The following SIK2 variants were observed in gnomAD, a reference collection of about 807,000 sequenced individuals.
SIK2 encodes the protein salt inducible kinase 2, also known as serine/threonine-protein kinase SIK2.
Under a neutral mutation model 103.2 loss-of-function variants are expected in SIK2, and 29 were observed. That is an observed-to-expected ratio of 0.28 (90% CI 0.21 to 0.38). The LOEUF is 0.38. Among genes scored for constraint, SIK2 ranks in the 10% least tolerant of loss-of-function variants. SIK2 has a pLI of 1.00. For missense variants in SIK2, 879 were observed against 1,171.0 expected (o/e 0.75, Z 3.64); for synonymous variants, 412 against 446.1 (o/e 0.92, Z 0.96).
intron 3 of SIK2, among the ~76,000 whole-genome samples, chr11:111,654,456 G>A (rs182636884): frequency 7.9e-5 from 12 of 152,168 alleles, no homozygotes; most frequent in Admixed American, 4.6e-4. Context: ...AGATCATTTG[G>A]CCAAAAGAGA....
intron 3 of SIK2, among the ~76,000 whole-genome samples, chr11:111,643,529 G>A (rs963096123): frequency 1.3e-5 from 2 of 152,086 alleles, no homozygotes; most frequent in Admixed American, 6.5e-5. Flanking sequence ...CAAATGTATA[G>A]GCTGGGCACG....
intron 9 of SIK2, among the ~76,000 whole-genome samples, chr11:111,713,305 T>G (rs1943551886): frequency 6.6e-6 from 1 of 152,372 alleles, no homozygotes; most frequent in East Asian, 1.9e-4. Context: ...GCATAAGCGA[T>G]GTATAGAAGA....
At position 111,727,120 on chromosome 11, in the gene SIK2, A is replaced by T. The variant is rs917207779; in HGVS notation, c.*2991A>T. The T allele has an allele frequency of 7.0e-7, 1 of 1,438,352 alleles. No homozygotes were observed. Among genetic ancestry groups the T allele is most frequent in the Non-Finnish European group, 9.8e-7 (1 of 1,024,168 alleles). The allele number at this position is 1,438,352 out of a possible 1,614,324, so 89.1% of individuals were successfully genotyped here. ...GGGGCCCACTTTCACATTCCCGGTG[A>T]CACTGACCGTCCCCAGCTGCCCCCT... On this transcript the variant is annotated 3_prime_UTR_variant, in exon 15 of 15. Coordinates refer to ENST00000304987, the MANE Select transcript of SIK2 (RefSeq NM_015191.3).
chr11:111,720,783 T>C, intron 11 of SIK2, 21 bp downstream of exon 11: 1 of 1,573,454 alleles, frequency 6.4e-7, no homozygotes, highest in South Asian at 1.2e-5. Flanking sequence ...CCTCCTCTGC[T>C]TTTTGAAACT....
Position 111,726,971 on chromosome 11 carries a change from T to G in SIK2, c.*2842T>G. On this transcript the variant is annotated 3_prime_UTR_variant, in exon 15 of 15. Coordinates refer to ENST00000304987, the MANE Select transcript of SIK2 (RefSeq NM_015191.3). ...TTTTTTTAAATCTGGGGTATTAGTC[T>G]GTGCTTTGGGAGAAATGCACTAGCT... 9.3e-6 allele frequency: 15 copies of G among 1,613,716 alleles called. No individual in the cohort carries two copies. Among genetic ancestry groups the G allele is most frequent in the South Asian group, 2.2e-5 (2 of 91,084 alleles).
At chr11:111,662,609 G>T (rs1942481488) in intron 3 of SIK2, among the ~76,000 whole-genome samples, 1 of 152,162 alleles carries the variant, frequency 6.6e-6, no homozygotes, top group Admixed American at 6.5e-5. Context: ...CAGCACAGTG[G>T]CTCACGCCTG....
intron 3 of SIK2, among the ~76,000 whole-genome samples, chr11:111,630,571 G>A (rs1942024446): frequency 1.3e-5 from 2 of 152,138 alleles, no homozygotes; most frequent in South Asian, 4.1e-4. Flanking sequence ...CAATGAAGCT[G>A]TAATAATGAG....
chr11:111,602,613 TG>T lies in SIK2; in HGVS notation c.54del (p.Phe19SerfsTer16). On this transcript the variant is annotated frameshift_variant, in exon 1 of 15. Transcript: ENST00000304987. LOFTEE classifies it high-confidence loss of function. This position sits in a 1 kb window ranked among gnomAD's most constrained non-coding sequence, Gnocchi z 4.5. ...CACTTGCAGCGCGGGCCGGTCCGGG[TG>T]GGGTTCTACGACATCGAGGGCACGC... ...PRHLQRGPVR[V>X]GFYDIEGTLG... 1 of 1,521,808 alleles carries T rather than the reference TG, an allele frequency of 6.6e-7. No individual in the cohort carries two copies. The highest frequency in any genetic ancestry group is 8.8e-7 in the Non-Finnish European group (1 of 1,133,754). 94.3% of individuals were successfully genotyped at this position (1,521,808 alleles called of 1,614,324 possible).
intron 3 of SIK2, among the ~76,000 whole-genome samples, chr11:111,678,167 T>C (rs1055646978): frequency 6.6e-6 from 1 of 152,194 alleles, no homozygotes; most frequent in African/African-American, 2.4e-5. Context: ...CCAGTTGAAA[T>C]AGTATCTTCA....
At chr11:111,710,739 T>A (rs1318341601) in intron 8 of SIK2, among the ~76,000 whole-genome samples, 1 of 152,222 alleles carries the variant, frequency 6.6e-6, no homozygotes, top group African/African-American at 2.4e-5. Context: ...TTGAAGAAGA[T>A]AAGTTTCAGA....
chr11:111,622,201 A>G (rs549748518), intron 3 of SIK2, among the ~76,000 whole-genome samples: 68 of 125,596 alleles, frequency 5.4e-4, no homozygotes, highest in African/African-American at 2.1e-3. Flanking sequence ...GTATGTATAT[A>G]TTTTTATCTA....
intron 9 of SIK2, 29 bp from the exon 10 acceptor site, chr11:111,719,746 C>CT (rs1565392903): frequency 1.1e-5 from 18 of 1,596,898 alleles, no homozygotes; most frequent in Non-Finnish European, 1.5e-5. Flanking sequence ...AGTGCAGAAA[C>CT]TGAGTTTCCT....
chr11:111,628,365 C>A (rs917584736), intron 3 of SIK2, among the ~76,000 whole-genome samples: 1 of 148,720 alleles, frequency 6.7e-6, no homozygotes, highest in African/African-American at 2.4e-5. Flanking sequence ...AGTCCCCATG[C>A]TCCTGCCACT....
chr11:111,616,393 C>T, intron 2 of SIK2, 34 bp downstream of exon 2: 1 of 1,138,328 alleles, frequency 8.8e-7, no homozygotes. Flanking sequence ...TCCATTCATT[C>T]CACAAGATAG....
chr11:111,722,360 G>A lies in SIK2; in HGVS notation c.2056-305G>A, dbSNP rs1414379673. ...AGGATGAATCATTCATTCAGCGGGTGCTGGGGCCTTTGCTCTCAAGATCTA... is the reference window on the plus strand; with the variant it reads ...AGGATGAATCATTCATTCAGCGGGTACTGGGGCCTTTGCTCTCAAGATCTA... On this transcript the variant is annotated intron_variant, in intron 13 of 14. Coordinates refer to ENST00000304987, the MANE Select transcript of SIK2 (RefSeq NM_015191.3). This position sits in a 1 kb window ranked among gnomAD's most constrained non-coding sequence, Gnocchi z 4.4. Among the ~76,000 whole-genome samples, 1 of 152,252 alleles carries A rather than the reference G, an allele frequency of 6.6e-6. No individual in the cohort carries two copies. The highest frequency in any genetic ancestry group is 2.4e-5 in the African/African-American group (1 of 41,468).
rs992494421 is a variant in SIK2 at position 111,725,625 on chromosome 11, G to GCAT, written c.*1498_*1500dup. ...AGCAGATGAATGTGTTAAGCACAAA[G>GCAT]CATCTTCCTTAAAGCACAAAGAGAG... On this transcript the variant is annotated 3_prime_UTR_variant, in exon 15 of 15. Coordinates refer to ENST00000304987, the MANE Select transcript of SIK2 (RefSeq NM_015191.3). The GCAT allele has an allele frequency of 6.6e-6, 1 of 152,666 alleles. No individual in the cohort carries two copies. The highest frequency in any genetic ancestry group is 2.4e-5 in the African/African-American group (1 of 41,460). The allele number at this position is 152,666 out of a possible 1,614,324, so 9.5% of individuals were successfully genotyped here. A position where few individuals can be genotyped will look rare whatever the true frequency, so the allele number is the denominator to read the frequency against.
Position 111,665,519 on chromosome 11 carries a change from A to G in SIK2, c.317-22482A>G, listed in dbSNP as rs148811876. On this transcript the variant is annotated intron_variant, in intron 3 of 14. Transcript: ENST00000304987. Reference sequence around the variant, plus strand: ...GCAAGACCCTGTCTCAAAAAAAGAAAAAAAAAGGAAAAGAAATATCGGGGC... The same window carrying G: ...GCAAGACCCTGTCTCAAAAAAAGAAGAAAAAAGGAAAAGAAATATCGGGGC... 4.6e-3 allele frequency among the ~76,000 whole-genome samples: 704 copies of G among 152,254 alleles called. 10 individuals are homozygous for G. Among genetic ancestry groups the G allele is most frequent in the African/African-American group, 0.016 (677 of 41,550 alleles).
rs1261679644 is a variant in SIK2 at position 111,727,403 on chromosome 11, C to T, written c.*3274C>T. 5.0e-5 allele frequency: 15 copies of T among 300,008 alleles called. No individual in the cohort carries two copies. The Admixed American group carries it at 6.1e-4, about 12-fold the overall frequency. The allele number at this position is 300,008 out of a possible 1,614,324, so 18.6% of individuals were successfully genotyped here. A position where few individuals can be genotyped will look rare whatever the true frequency, so the allele number is the denominator to read the frequency against. On this transcript the variant is annotated 3_prime_UTR_variant, in exon 15 of 15. Transcript: ENST00000304987. ...AACTCCCAAGTGTTTAAACCGTATG[C>T]TGGAGTCAGTGGTTGGGACAGACAG... is the stretch of plus-strand genomic sequence containing the variant.
rs1009870052 is a variant in SIK2, at chr11:111,729,559, T to TG, written c.*5431dup. On this transcript the variant is annotated 3_prime_UTR_variant, in exon 15 of 15. Coordinates refer to ENST00000304987, the MANE Select transcript of SIK2 (RefSeq NM_015191.3). ...AAGGAGCTGGGACACGCGCTTGGGT[T>TG]GACTGGCTTCTGGTTTTGGTTCTCT... 1.3e-5 allele frequency: 2 copies of TG among 152,308 alleles called. No individual in the cohort carries two copies. The highest frequency in any genetic ancestry group is 4.8e-5 in the African/African-American group (2 of 41,484). The allele number at this position is 152,308 out of a possible 1,614,324, so 9.4% of individuals were successfully genotyped here.
Sources: gnomAD v4.1 joint callset for allele counts (sites outside exome capture counted in the v4.1 genomes callset) on GRCh38, gnomAD v4.1.1 for gene constraint, Gnocchi (gnomAD v3.1) non-coding constraint, MANE v1.5 for transcripts, NCBI Gene and HGNC (gene_info 2026-07-23, HGNC 2026-07-21) for gene names.